Variants in GBA2 observed in about 807,000 individuals in gnomAD.
GBA2 encodes non-lysosomal glucosylceramidase.
GBA2 carries 79 observed loss-of-function variants against 112.9 expected under a neutral mutation model. That is an observed-to-expected ratio of 0.70 (90% CI 0.58 to 0.84). The LOEUF is 0.84. Ranked by LOEUF, GBA2 falls within the 40% of genes least tolerant of loss-of-function variation. The pLI is 0.00. For synonymous variants in GBA2, 403 were observed against 434.3 expected, an observed-to-expected ratio of 0.93 and a Z score of 0.90; for missense variants, 1,043 against 1,190.0, an observed-to-expected ratio of 0.88 and a Z score of 1.82.
chr9:35,746,837 A>G lies in GBA2; in HGVS notation c.359+1509T>C, dbSNP rs572647328. Among the ~76,000 whole-genome samples, 1 of 152,280 alleles carries G rather than the reference A, an allele frequency of 6.6e-6. No homozygotes were observed. Among genetic ancestry groups the G allele is most frequent in the African/African-American group, 2.4e-5 (1 of 41,534 alleles). On this transcript the variant is annotated intron_variant, in intron 1 of 16. Transcript: ENST00000378103. The surrounding 1 kb of genome is among the most constrained non-coding windows in gnomAD (Gnocchi z 5.2). Reference sequence around the variant, plus strand: ...ACAAAGGACTATCTGGCATGGAACAAGCACTCAATAAATATTTATTGAATG... The same window carrying G: ...ACAAAGGACTATCTGGCATGGAACAGGCACTCAATAAATATTTATTGAATG...
chr9:35,741,064 C>A lies in GBA2; in HGVS notation c.787G>T (p.Asp263Tyr). 6.2e-7 allele frequency: 1 copy of A among 1,614,006 alleles called. No homozygotes were observed. The highest frequency in any genetic ancestry group is 8.5e-7 in the Non-Finnish European group (1 of 1,179,994). ...ITPILPHDYQ[D>Y]SSLPVGVFVW... The stretch of plus-strand genomic sequence containing the variant: ...AAGACTCCTACAGGCAGGCTGCTGT[C>A]CTGGGGGCAGAAGATTAGACTCAGA... The change falls in exon 5 of 17, where the codon GAC becomes TAC. Residue 263 changes from aspartate to tyrosine, a missense_variant and splice_region_variant. By Grantham distance (160) the Asp-to-Tyr change is radical (BLOSUM62 -3). Coordinates refer to ENST00000378103, the MANE Select transcript of GBA2 (RefSeq NM_020944.3). This position sits in a 1 kb window ranked among gnomAD's most constrained non-coding sequence, Gnocchi z 4.6.
At position 35,741,846 on chromosome 9, in the gene GBA2, T is replaced by C; in HGVS notation, c.612A>G (p.Gln204=). The stretch of plus-strand genomic sequence containing the variant: ...CACTTGGGCGCTCCAGGGACAGGAC[T>C]TGCTGGTACACAGTCTGCCCTTCCC... ...LRREGQTVYQ[Q]VLSLERPSVL... The change falls in exon 4 of 17, where the codon CAA becomes CAG. Residue 204 remains glutamine (Q), a synonymous_variant. Coordinates refer to ENST00000378103, the MANE Select transcript of GBA2 (RefSeq NM_020944.3). This position sits in a 1 kb window ranked among gnomAD's most constrained non-coding sequence, Gnocchi z 4.6. 1 of 1,614,008 alleles carries C rather than the reference T, an allele frequency of 6.2e-7. No individual in the cohort carries two copies. The highest frequency in any genetic ancestry group is 8.5e-7 in the Non-Finnish European group (1 of 1,179,922).
At position 35,739,346 on chromosome 9, in the gene GBA2, G is replaced by A. The variant is rs748999427; in HGVS notation, c.1656C>T (p.Pro552=). 6.2e-7 allele frequency: 1 copy of A among 1,612,900 alleles called. No homozygotes were observed. The highest frequency in any genetic ancestry group is 2.2e-5 in the East Asian group (1 of 44,878). Residue 552 remains proline, a synonymous_variant, in exon 10 of 17, where the codon CCC becomes CCT. Transcript: ENST00000378103. ...YASFALIMLW[P]KLELSLQYDM... is the part of the protein sequence containing the mutation. ...CATACTGTAGGCTGAGCTCAAGTTT[G>A]GGCCAGAGCATGATGAGGGCAAAGG...
intron 13 of GBA2, 53 bp from the exon 14 acceptor site, chr9:35,738,427 T>C: frequency 6.2e-7 from 1 of 1,601,552 alleles, no homozygotes; most frequent in Non-Finnish European, 8.5e-7. Flanking sequence ...GCTGCTCCCA[T>C]GCCGTGTAAT....
At chr9:35,738,927 G>T in intron 11 of GBA2, 24 bp from the exon 12 acceptor site, 1 of 1,613,554 alleles carries the variant, frequency 6.2e-7, no homozygotes, top group Non-Finnish European at 8.5e-7. Context: ...GGGGACTTGG[G>T]TCACTTGCAT....
In GBA2 at chr9:35,739,626, A is replaced by G; in HGVS notation, c.1582+2T>C. On this transcript the variant is annotated splice_donor_variant, in intron 9 of 16. Coordinates refer to ENST00000378103, the MANE Select transcript of GBA2 (RefSeq NM_020944.3). LOFTEE classifies it high-confidence loss of function. ...ATATCCCAGCCCACCAGCATCCTGTACCCTCAAGGTAGCCAAATCGACCGT... is the reference window on the plus strand; with the variant it reads ...ATATCCCAGCCCACCAGCATCCTGTGCCCTCAAGGTAGCCAAATCGACCGT... 6.2e-7 allele frequency: 1 copy of G among 1,613,244 alleles called. No individual in the cohort carries two copies. The highest frequency in any genetic ancestry group is 8.5e-7 in the Non-Finnish European group (1 of 1,179,382).
At position 35,741,875 on chromosome 9, in the gene GBA2, G is replaced by A. The variant is rs766604330; in HGVS notation, c.583C>T (p.Arg195Cys). ...TGGTACACAGTCTGCCCTTCCCGAC[G>A]CAGGCACACTGTGAACTTAAGAGGG... Reference protein sequence around the residue: ...VIADQFTVCLRREGQTVYQQV... With the variant: ...VIADQFTVCLCREGQTVYQQV... Residue 195 changes from arginine to cysteine, a missense_variant, in exon 4 of 17, where the codon CGT becomes TGT. Arg to Cys is a radical substitution (Grantham distance 180, BLOSUM62 -3). Transcript: ENST00000378103. The surrounding 1 kb of genome is among the most constrained non-coding windows in gnomAD (Gnocchi z 4.6). The A allele has an allele frequency of 3.1e-6, 5 of 1,613,036 alleles. No individual in the cohort carries two copies. Among genetic ancestry groups the A allele is most frequent in the South Asian group, 1.1e-5 (1 of 91,066 alleles).
chr9:35,739,470 A>G, intron 9 of GBA2, 51 bp from the exon 10 acceptor site: 1 of 1,415,368 alleles, frequency 7.1e-7, no homozygotes, highest in Non-Finnish European at 1.0e-6. Context: ...CTTCCCCTTC[A>G]AACCCCTCTG....
Position 35,748,475 on chromosome 9 carries a change from A to T in GBA2, c.230T>A (p.Met77Lys). The change falls in exon 1 of 17, where the codon ATG (methionine) becomes AAG (lysine). Residue 77 changes from methionine to lysine, a missense_variant. Met to Lys is a moderately conservative substitution (Grantham distance 95). Transcript: ENST00000378103. ...QLMVSYEGKAMGYQVPPFGWR... is the reference protein window; with the variant it reads ...QLMVSYEGKAKGYQVPPFGWR... ...GCCAAAGGGAGGCACCTGGTAGCCC[A>T]TAGCTTTACCCTCATAGGAAACCAT... 1 of 1,614,176 alleles carries T rather than the reference A, an allele frequency of 6.2e-7. No individual in the cohort carries two copies. The highest frequency in any genetic ancestry group is 1.1e-5 in the South Asian group (1 of 91,086).
At chr9:35,742,231 C>T (rs1042842641) in intron 3 of GBA2, among the ~76,000 whole-genome samples, 4 of 152,318 alleles carry the variant, frequency 2.6e-5, no homozygotes, top group Middle Eastern at 3.4e-3. Context: ...GTTTCAGTGA[C>T]TCCCCATGGC....
At position 35,741,214 on chromosome 9, in the gene GBA2, G is replaced by C; in HGVS notation, c.787-150C>G. The C allele has an allele frequency of 1.2e-6, 1 of 820,530 alleles. No individual in the cohort carries two copies. Among genetic ancestry groups the C allele is most frequent in the Non-Finnish European group, 1.9e-6 (1 of 531,074 alleles). 50.8% of individuals were successfully genotyped at this position (820,530 alleles called of 1,614,324 possible). On this transcript the variant is annotated intron_variant, in intron 4 of 16. Transcript: ENST00000378103. The surrounding 1 kb of genome is among the most constrained non-coding windows in gnomAD (Gnocchi z 4.6). ...CCACTTGCATCTCCCCATATTCCCAGGCAAGCTGCCTAGCAGGGAATATAG... is the reference window on the plus strand; with the variant it reads ...CCACTTGCATCTCCCCATATTCCCACGCAAGCTGCCTAGCAGGGAATATAG...
At chr9:35,739,877 G>T in intron 8 of GBA2, 77 bp from the exon 9 acceptor site, 1 of 1,552,156 alleles carries the variant, frequency 6.4e-7, no homozygotes, top group Non-Finnish European at 8.9e-7. Flanking sequence ...GTTCAGCAGA[G>T]TGGGATCATC....
chr9:35,738,241 G>A lies in GBA2; in HGVS notation c.2188C>T (p.Leu730=), dbSNP rs2131947324. 3.1e-6 allele frequency: 5 copies of A among 1,614,160 alleles called. No individual in the cohort carries two copies. The highest frequency in any genetic ancestry group is 4.2e-6 in the Non-Finnish European group (5 of 1,180,014). The part of the protein sequence containing the change: ...SRGQEAYERL[L]WNGRYYNYDS... ...GGCTCCCCGAACTCACCATTCCACAGCAGTCTCTCATAGGCTTCTTGGCCC... is the reference window on the plus strand; with the variant it reads ...GGCTCCCCGAACTCACCATTCCACAACAGTCTCTCATAGGCTTCTTGGCCC... Residue 730 remains leucine, a synonymous_variant, in exon 14 of 17, where the codon CTG becomes TTG. Transcript: ENST00000378103.
At position 35,748,483 on chromosome 9, in the gene GBA2, A is replaced by C. The variant is rs1827111696; in HGVS notation, c.222T>G (p.Gly74=). ...GAGGCACCTGGTAGCCCATAGCTTT[A>C]CCCTCATAGGAAACCATCAGCTGCC... ...DSGQLMVSYE[G]KAMGYQVPPF... Residue 74 remains glycine, a synonymous_variant, in exon 1 of 17, where the codon GGT becomes GGG. Coordinates refer to ENST00000378103, the MANE Select transcript of GBA2 (RefSeq NM_020944.3). 1.2e-6 allele frequency: 2 copies of C among 1,614,082 alleles called. No individual in the cohort carries two copies. The highest frequency in any genetic ancestry group is 1.7e-5 in the Admixed American group (1 of 60,018).
In GBA2 at chr9:35,740,329, A is replaced by G; in HGVS notation, c.1163T>C (p.Ile388Thr). The G allele has an allele frequency of 6.2e-7, 1 of 1,613,874 alleles. No homozygotes were observed. Among genetic ancestry groups the G allele is most frequent in the Non-Finnish European group, 8.5e-7 (1 of 1,179,982 alleles). Residue 388 changes from isoleucine to threonine, a missense_variant, in exon 7 of 17, where the codon ATT (isoleucine) becomes ACT (threonine). Ile to Thr is a moderately conservative substitution (Grantham distance 89). Transcript: ENST00000378103. The surrounding 1 kb of genome is among the most constrained non-coding windows in gnomAD (Gnocchi z 4.7). ...GCTGGAAACACACACAGCTCCAGCA[A>G]TGCCTACTCCTTTCTGCGTAGGGGT... Reference protein sequence around the residue: ...QSTPTQKGVGIAGAVCVSSKL... With the variant: ...QSTPTQKGVGTAGAVCVSSKL...
At chr9:35,745,990 TAAGA>T (rs1467820149) in intron 1 of GBA2, among the ~76,000 whole-genome samples, 2 of 152,194 alleles carry the variant, frequency 1.3e-5, no homozygotes, top group African/African-American at 4.8e-5. Flanking sequence ...ACATAATAGA[TAAGA>T]AAGCCATAAA....
chr9:35,748,285 AG>A (rs1164806686), intron 1 of GBA2, 60 bp downstream of exon 1: 1 of 1,024,074 alleles, frequency 9.8e-7, no homozygotes, highest in African/African-American at 1.6e-5. Context: ...CACCTCTGCT[AG>A]AAGTTTTGAG....
At position 35,739,809 on chromosome 9, in the gene GBA2, C is replaced by T. The variant is rs748703640; in HGVS notation, c.1410-9G>A. The T allele has an allele frequency of 4.8e-5, 77 of 1,612,722 alleles. No individual in the cohort carries two copies. In the East Asian group the frequency reaches 1.2e-3, roughly 25 times the overall value. On this transcript the variant is annotated splice_polypyrimidine_tract_variant and intron_variant, in intron 8 of 16. Coordinates refer to ENST00000378103, the MANE Select transcript of GBA2 (RefSeq NM_020944.3). ...ACCAGGCAGGCAGTGATCTGGGAAGCGAGGAGGAGGAAATGGTTTAAGGAA... is the reference window on the plus strand; with the variant it reads ...ACCAGGCAGGCAGTGATCTGGGAAGTGAGGAGGAGGAAATGGTTTAAGGAA...
rs1826492172 is a variant in GBA2, at chr9:35,739,428, A to G, written c.1583-9T>C. 6.3e-7 allele frequency: 1 copy of G among 1,576,570 alleles called. No individual in the cohort carries two copies. The highest frequency in any genetic ancestry group is 1.3e-5 in the African/African-American group (1 of 74,162). ...CATGCGGTACTCCTGGCCTGGAGGA[A>G]TGAATGAGACACACTGTTGCCAGAA... On this transcript the variant is annotated splice_polypyrimidine_tract_variant and intron_variant, in intron 9 of 16. Transcript: ENST00000378103.
Sources: gnomAD v4.1 joint callset for allele counts (sites outside exome capture counted in the v4.1 genomes callset) on GRCh38, gnomAD v4.1.1 for gene constraint, Gnocchi (gnomAD v3.1) non-coding constraint, MANE v1.5 for transcripts, NCBI Gene and HGNC (gene_info 2026-07-23, HGNC 2026-07-21) for gene names.